DAG1: variants seen among roughly 807,000 people sequenced by gnomAD.
DAG1 encodes dystroglycan 1 (dystrophin-associated glycoprotein 1).
DAG1 carries 8 observed loss-of-function variants against 46.1 expected under a neutral mutation model. That is an observed-to-expected ratio of 0.17 (90% CI 0.10 to 0.31). The LOEUF (loss-of-function observed/expected upper bound fraction) is 0.31, where lower values mean the gene tolerates loss of function less well. DAG1 is among the 10% of genes least tolerant of loss of function. DAG1 has a pLI of 1.00. For synonymous variants in DAG1, 495 were observed against 481.8 expected (o/e 1.03, Z -0.36); for missense variants, 1,003 against 1,189.9 (o/e 0.84, Z 2.31).
At chr3:49,518,823 A>T (rs2050960316) in intron 2 of DAG1, among the ~76,000 whole-genome samples, 1 of 152,226 alleles carries the variant, frequency 6.6e-6, no homozygotes, top group Non-Finnish European at 1.5e-5. Context: ...CATGGCCAGC[A>T]TAGCTTTTTT....
chr3:49,469,338 A>G (rs1218891199), upstream of DAG1, among the ~76,000 whole-genome samples: 1 of 152,226 alleles, frequency 6.6e-6, no homozygotes, highest in African/African-American at 2.4e-5. Context: ...TCCCAGACCC[A>G]TCCGGTAACT....
Position 49,502,633 on chromosome 3 carries a change from A to G in DAG1, c.-116-7786A>G, listed in dbSNP as rs1221895743. ...CGTGCTAAATTGTAAGACATCTTTA[A>G]CTTTCTTTTTTTTTTTTTTTTTTGA... is the stretch of plus-strand genomic sequence containing the variant. On this transcript the variant is annotated intron_variant, in intron 1 of 2. Transcript: ENST00000308775. Among the ~76,000 whole-genome samples, 12 of 137,930 alleles carry G rather than the reference A, an allele frequency of 8.7e-5. No homozygotes were observed. In the East Asian group the frequency reaches 2.9e-3, roughly 33 times the overall value. The allele number at this position is 137,930 out of a possible 152,430, so 90.5% of individuals were successfully genotyped here.
chr3:49,524,035 GAGA>G lies in DAG1; in HGVS notation c.286-6755_286-6753del, dbSNP rs1180069770. Among the ~76,000 whole-genome samples the G allele has an allele frequency of 3.3e-5, 5 of 152,352 alleles. No individual in the cohort carries two copies. In the South Asian group the frequency reaches 8.3e-4, roughly 25 times the overall value. On this transcript the variant is annotated intron_variant, in intron 2 of 2. Transcript: ENST00000308775. ...ATATCCTGTTTCACCCTTAGGATCT[GAGA>G]AGAAGAGAAGTGATCCAGAGCCTAT...
rs1264016363 is a variant in DAG1, at chr3:49,486,317, C to A, written c.-117+15884C>A. On this transcript the variant is annotated intron_variant, in intron 1 of 2. Transcript: ENST00000308775. ...CACTGCAAGCTCCGCCTCCCAGGTT[C>A]ACGCCATTCTCCTGCCTCAGCCTCC... Among the ~76,000 whole-genome samples, 6 of 151,794 alleles carry A rather than the reference C, an allele frequency of 4.0e-5. No homozygotes were observed. The South Asian group carries it at 8.3e-4, about 21-fold the overall frequency.
At chr3:49,525,557 CACTTT>C (rs2051146418) in intron 2 of DAG1, among the ~76,000 whole-genome samples, 1 of 128,448 alleles carries the variant, frequency 7.8e-6, no homozygotes, top group African/African-American at 2.7e-5. Flanking sequence ...AGGTGCTACA[CACTTT>C]TTTTTTTTTT....
At chr3:49,513,427 A>G (rs1417112453) in intron 2 of DAG1, among the ~76,000 whole-genome samples, 3 of 152,154 alleles carry the variant, frequency 2.0e-5, no homozygotes, top group African/African-American at 7.2e-5. Flanking sequence ...GTCAAAGCAC[A>G]TATAGACTCT....
chr3:49,507,886 G>A (rs1450633626), intron 1 of DAG1, among the ~76,000 whole-genome samples: 3 of 151,928 alleles, frequency 2.0e-5, no homozygotes, highest in African/African-American at 7.2e-5. Context: ...TGGATGAGTT[G>A]TAGTAGTTTG....
intron 1 of DAG1, among the ~76,000 whole-genome samples, chr3:49,479,093 C>G (rs2049786740): frequency 6.6e-6 from 1 of 151,304 alleles, no homozygotes; most frequent in African/African-American, 2.4e-5. Context: ...AGGCGTGAGG[C>G]ATCCCATTTT....
intron 2 of DAG1, among the ~76,000 whole-genome samples, chr3:49,516,808 T>C (rs9871024): frequency 0.24 from 36,170 of 151,988 alleles, 4,605 homozygotes; most frequent in Middle Eastern, 0.29. Flanking sequence ...GTGAATGTTA[T>C]TGGGGGTTCA....
intron 2 of DAG1, among the ~76,000 whole-genome samples, chr3:49,523,429 C>G (rs1259265703): frequency 6.6e-6 from 1 of 152,126 alleles, no homozygotes; most frequent in East Asian, 1.9e-4. Flanking sequence ...TGGGTTCTCA[C>G]CTGCAGCAGG....
intron 1 of DAG1, among the ~76,000 whole-genome samples, chr3:49,501,500 G>T (rs2050449519): frequency 6.6e-6 from 1 of 152,056 alleles, no homozygotes; most frequent in Non-Finnish European, 1.5e-5. Flanking sequence ...TGGTTGAGCT[G>T]AGCCATTTAC....
chr3:49,479,800 G>A (rs2049816662), intron 1 of DAG1, among the ~76,000 whole-genome samples: 1 of 148,326 alleles, frequency 6.7e-6, no homozygotes, highest in East Asian at 2.0e-4. Flanking sequence ...ACCACACCCG[G>A]CTAATTTTTT....
chr3:49,520,639 G>C (rs2051002761), intron 2 of DAG1, among the ~76,000 whole-genome samples: 1 of 152,206 alleles, frequency 6.6e-6, no homozygotes, highest in Admixed American at 6.5e-5. Context: ...ACACGGGGAA[G>C]GGCCCAGCCC....
intron 1 of DAG1, among the ~76,000 whole-genome samples, chr3:49,498,262 A>T (rs1481581881): frequency 2.6e-5 from 4 of 152,102 alleles, no homozygotes. Context: ...GGGAAACCCT[A>T]TCTGTCCCCT....
At chr3:49,510,943 G>A in intron 2 of DAG1, 124 bp downstream of exon 2, 2 of 1,534,546 alleles carry the variant, frequency 1.3e-6, no homozygotes, top group Middle Eastern at 3.8e-4. Context: ...TACCCCCTTA[G>A]AAGAGGGACA....
chr3:49,530,216 C>T (rs1365702282), intron 2 of DAG1, among the ~76,000 whole-genome samples: 1 of 152,176 alleles, frequency 6.6e-6, no homozygotes, highest in East Asian at 1.9e-4. Flanking sequence ...AAATGTGCCC[C>T]ACTACACTTG....
At chr3:49,486,873 G>T in intron 1 of DAG1, among the ~76,000 whole-genome samples, 1 of 152,018 alleles carries the variant, frequency 6.6e-6, no homozygotes, top group Non-Finnish European at 1.5e-5. Flanking sequence ...TATAGTATTT[G>T]ATTTTTTTTG....
At chr3:49,486,795 G>A (rs2050043673) in intron 1 of DAG1, among the ~76,000 whole-genome samples, 2 of 152,162 alleles carry the variant, frequency 1.3e-5, no homozygotes, top group African/African-American at 4.8e-5. Context: ...GAGACACTGC[G>A]CTCAGCCTGA....
At chr3:49,476,901 GTGAGGTAAGGTACT>G (rs2049696551) in intron 1 of DAG1, 1 of 152,196 alleles carries the variant, frequency 6.6e-6, no homozygotes, top group Non-Finnish European at 1.5e-5. Context: ...GCACTAGAAG[GTGAGGTAAGGTACT>G]TGAAAAGAGA....
Sources: allele counts gnomAD v4.1 joint callset (sites outside exome capture counted in the v4.1 genomes callset), GRCh38; gene constraint gnomAD v4.1.1; transcripts MANE v1.5; gene names NCBI Gene and HGNC (gene_info 2026-07-23, HGNC 2026-07-21).